UNC79: variants seen among roughly 807,000 people sequenced by gnomAD.
The protein encoded by UNC79 is protein unc-79 homolog.
UNC79 carries 37 observed loss-of-function variants against 283.1 expected under a neutral mutation model. The observed-to-expected ratio is 0.13, with a 90% confidence interval of 0.10 to 0.17. UNC79 has a LOEUF of 0.17. Among genes scored for constraint, UNC79 ranks in the 10% least tolerant of loss-of-function variants. UNC79 has a pLI of 1.00. For missense variants in UNC79, 2,272 were observed against 3,211.1 expected (o/e 0.71, Z 7.07); for synonymous variants, 1,107 against 1,200.2 (o/e 0.92, Z 1.61).
chr14:93,398,114 C>T (rs1008130221), intron 1 of UNC79, among the ~76,000 whole-genome samples: 2 of 152,098 alleles, frequency 1.3e-5, no homozygotes, highest in Non-Finnish European at 2.9e-5. Context: ...TTATTAAGAG[C>T]TTGGTTGTGT....
intron 1 of UNC79, among the ~76,000 whole-genome samples, chr14:93,418,212 T>C (rs1265629747): frequency 1.3e-5 from 2 of 151,794 alleles, no homozygotes; most frequent in East Asian, 3.9e-4. Flanking sequence ...GGATGCCCTT[T>C]CTGTTTGTTA....
intron 31 of UNC79, among the ~76,000 whole-genome samples, chr14:93,631,254 G>A (rs1402799040): frequency 6.6e-6 from 1 of 152,088 alleles, no homozygotes; most frequent in Non-Finnish European, 1.5e-5. Context: ...CATTGTCTAT[G>A]GCAGAATTTT....
At chr14:93,681,398 G>A (rs2073835300) in intron 41 of UNC79, among the ~76,000 whole-genome samples, 1 of 152,226 alleles carries the variant, frequency 6.6e-6, no homozygotes, top group Admixed American at 6.5e-5. Flanking sequence ...TACCCAGTTA[G>A]CCAAAACCTG....
intron 11 of UNC79, among the ~76,000 whole-genome samples, chr14:93,534,066 A>C (rs1360357271): frequency 1.3e-5 from 2 of 152,262 alleles, no homozygotes; most frequent in Non-Finnish European, 2.9e-5. Flanking sequence ...AGACAGGGAC[A>C]GGATCATAGC....
At chr14:93,494,442 A>G (rs2058922271) in intron 5 of UNC79, among the ~76,000 whole-genome samples, 1 of 152,172 alleles carries the variant, frequency 6.6e-6, no homozygotes, top group Non-Finnish European at 1.5e-5. Context: ...CCTCTGAGGG[A>G]AGATCTTGAG....
Position 93,655,485 on chromosome 14 carries a change from T to G in UNC79, c.6456+78T>G, listed in dbSNP as rs1421199747. On this transcript the variant is annotated intron_variant, in intron 38 of 48. Transcript: ENST00000555664. ...CGTTTATTTACAAGCAGCAGAGTCTTGGGTGATTTAATGTATCGCAAAGGT... is the reference window on the plus strand; with the variant it reads ...CGTTTATTTACAAGCAGCAGAGTCTGGGGTGATTTAATGTATCGCAAAGGT... The G allele has an allele frequency of 3.3e-6, 5 of 1,531,226 alleles. No homozygotes were observed. The African/African-American group carries it at 6.9e-5, about 21-fold the overall frequency. 94.9% of individuals were successfully genotyped at this position (1,531,226 alleles called of 1,614,324 possible). A position where few individuals can be genotyped will look rare whatever the true frequency, so the allele number is the denominator to read the frequency against.
chr14:93,456,838 C>A (rs766422162), intron 1 of UNC79, among the ~76,000 whole-genome samples: 1 of 152,148 alleles, frequency 6.6e-6, no homozygotes, highest in Non-Finnish European at 1.5e-5. Context: ...TAGAGTGGGG[C>A]TGTCTGTTTG....
At chr14:93,598,795 T>C (rs1216371453) in intron 24 of UNC79, among the ~76,000 whole-genome samples, 1 of 152,248 alleles carries the variant, frequency 6.6e-6, no homozygotes, top group Non-Finnish European at 1.5e-5. Flanking sequence ...GTGCTGGGAT[T>C]AGAGGCCTGA....
intron 1 of UNC79, among the ~76,000 whole-genome samples, chr14:93,385,426 A>G (rs1226029682): frequency 6.6e-6 from 1 of 152,088 alleles, no homozygotes; most frequent in Non-Finnish European, 1.5e-5. Flanking sequence ...ATTCATAGCT[A>G]TTGTAAATAG....
intron 1 of UNC79, among the ~76,000 whole-genome samples, chr14:93,385,776 CCA>C (rs1491240990): frequency 2.8e-4 from 33 of 119,394 alleles, no homozygotes; most frequent in Admixed American, 2.5e-4. Context: ...AAGACTGTCC[CCA>C]AAAAAAAAAA....
In UNC79 at chr14:93,690,146, A is replaced by G; in HGVS notation, c.7115A>G (p.His2372Arg). ...AAAGAATTCATTGAGTGTGTCTCCC[A>G]TATCCGACTGTTGTCCTGGCTGCTG... is the stretch of plus-strand genomic sequence containing the variant. The change falls in exon 45 of 49, where the codon CAT (histidine) becomes CGT (arginine). Residue 2372 changes from histidine to arginine, a missense_variant. This residue lies in a region of UNC79 where 225 missense variants were observed against 334.2 expected (regional missense o/e 0.67). Transcript: ENST00000555664. This position sits in a 1 kb window ranked among gnomAD's most constrained non-coding sequence, Gnocchi z 4.3. 1.2e-6 allele frequency: 2 copies of G among 1,614,128 alleles called. No individual in the cohort carries two copies. The highest frequency in any genetic ancestry group is 8.5e-7 in the Non-Finnish European group (1 of 1,180,018).
At chr14:93,434,288 A>G (rs79973508) in intron 1 of UNC79, among the ~76,000 whole-genome samples, 4,210 of 152,242 alleles carry the variant, frequency 0.028, 94 homozygotes, top group Non-Finnish European at 0.043. Flanking sequence ...AAAATATTCA[A>G]TCTGTTTCCT....
At chr14:93,597,261 C>G in intron 23 of UNC79, 98 bp from the exon 24 acceptor site, 4 of 1,333,738 alleles carry the variant, frequency 3.0e-6, no homozygotes, top group Non-Finnish European at 4.2e-6. Flanking sequence ...AACTTTTTGT[C>G]TGTGAGTTCA....
At chr14:93,619,379 T>C (rs1301431611) in intron 29 of UNC79, among the ~76,000 whole-genome samples, 1 of 152,246 alleles carries the variant, frequency 6.6e-6, no homozygotes, top group African/African-American at 2.4e-5. Context: ...AGGCGCCATC[T>C]TGTGGTCTTT....
chr14:93,335,884 A>G (rs527825156), intron 1 of UNC79, among the ~76,000 whole-genome samples: 1 of 152,330 alleles, frequency 6.6e-6, no homozygotes, highest in African/African-American at 2.4e-5. Context: ...AGTTAGTTGG[A>G]AATGGGTAAA....
At chr14:93,502,009 C>T (rs964762341) in intron 7 of UNC79, among the ~76,000 whole-genome samples, 1 of 152,104 alleles carries the variant, frequency 6.6e-6, no homozygotes, top group Non-Finnish European at 1.5e-5. Context: ...ATATTTACAG[C>T]TCATACAAAG....
chr14:93,620,218 T>C lies in UNC79; in HGVS notation c.4388-1403T>C, dbSNP rs906174328. 2.0e-5 allele frequency among the ~76,000 whole-genome samples: 3 copies of C among 152,212 alleles called. No homozygotes were observed. The South Asian group carries it at 6.2e-4, about 32-fold the overall frequency. ...AGCGCCTCAGAGAAGAGTCTTACTT[T>C]AATAGGAGGAAATGTTATTTTCTGT... On this transcript the variant is annotated intron_variant, in intron 29 of 48. Transcript: ENST00000555664.
chr14:93,404,062 G>A lies in UNC79; in HGVS notation c.-350-63609G>A, dbSNP rs139865401. Among the ~76,000 whole-genome samples, 11 of 152,056 alleles carry A rather than the reference G, an allele frequency of 7.2e-5. No individual in the cohort carries two copies. In the East Asian group the frequency reaches 1.9e-3, roughly 27 times the overall value. On this transcript the variant is annotated intron_variant, in intron 1 of 49. Transcript: ENST00000256339. ...GAAAGAAAAGTAAACCCAGGAGAAGGGATGGTGTGCAAGAAATAATTGTGA... is the reference window on the plus strand; with the variant it reads ...GAAAGAAAAGTAAACCCAGGAGAAGAGATGGTGTGCAAGAAATAATTGTGA...
intron 39 of UNC79, among the ~76,000 whole-genome samples, chr14:93,662,122 T>C (rs571840510): frequency 6.6e-6 from 1 of 152,322 alleles, no homozygotes; most frequent in South Asian, 2.1e-4. Flanking sequence ...TGATTAACAT[T>C]GGCAGGAGGC....
Sources: gnomAD v4.1 joint callset for allele counts (sites outside exome capture counted in the v4.1 genomes callset) on GRCh38, gnomAD v4.1.1 for gene constraint, gnomAD v4.1.1 regional missense constraint, Gnocchi (gnomAD v3.1) non-coding constraint, MANE v1.5 for transcripts, NCBI Gene and HGNC (gene_info 2026-07-23, HGNC 2026-07-21) for gene names.